LAMA3: variants seen among roughly 807,000 people sequenced by gnomAD.
LAMA3 encodes the protein laminin subunit alpha 3, also known as laminin subunit alpha-3.
In LAMA3, 281 loss-of-function variants were observed where a neutral mutation model predicts 402.0. The ratio of observed to expected loss-of-function variants is 0.70; its 90% CI spans 0.63 to 0.77. LAMA3 has a LOEUF of 0.77. Among genes scored for constraint, LAMA3 ranks in the 30% least tolerant of loss-of-function variants. The pLI is 0.00. For synonymous variants in LAMA3, 1,431 were observed against 1,558.4 expected, an observed-to-expected ratio of 0.92 and a Z score of 1.93; for missense variants, 3,840 against 4,215.5, an observed-to-expected ratio of 0.91 and a Z score of 2.47.
chr18:23,782,552 AAAATAAAT>A (rs896843668), intron 11 of LAMA3, among the ~76,000 whole-genome samples: 1 of 152,148 alleles, frequency 6.6e-6, no homozygotes, highest in African/African-American at 2.4e-5. Flanking sequence ...AACTCTGTCT[AAAATAAAT>A]AAATAAATAA....
At chr18:23,797,026 CT>C (rs762526510) in intron 12 of LAMA3, among the ~76,000 whole-genome samples, 4 of 152,170 alleles carry the variant, frequency 2.6e-5, no homozygotes, top group Non-Finnish European at 5.9e-5. Flanking sequence ...GCTGGATTCT[CT>C]GTGGTCTAAA....
At chr18:23,840,049 T>G (rs1418013754) in intron 27 of LAMA3, 120 bp downstream of exon 27, 1 of 1,081,350 alleles carries the variant, frequency 9.2e-7, no homozygotes, top group Non-Finnish European at 1.4e-6. Flanking sequence ...ACCTACTGAG[T>G]TGGAAGCTCT....
At chr18:23,877,825 A>G (rs1433677230) in intron 39 of LAMA3, among the ~76,000 whole-genome samples, 1 of 152,168 alleles carries the variant, frequency 6.6e-6, no homozygotes, top group Non-Finnish European at 1.5e-5. Flanking sequence ...AAGAATAAAT[A>G]CGTTGGCCGG....
chr18:23,718,624 G>A (rs886361900), intron 2 of LAMA3, among the ~76,000 whole-genome samples: 36 of 152,186 alleles, frequency 2.4e-4, no homozygotes. Flanking sequence ...AGGGCTGCGG[G>A]GGAGTGAGGC....
Position 23,783,957 on chromosome 18 carries a change from G to A in LAMA3, c.1469-66G>A, listed in dbSNP as rs2062488135. On this transcript the variant is annotated intron_variant, in intron 11 of 74. Transcript: ENST00000313654. ...ATATTCCCATGATAGAAACCTAGGG[G>A]AAGGGAGAAATTAAGAAAGTGATGG... The A allele has an allele frequency of 5.7e-6, 9 of 1,584,082 alleles. 1 individual carries two copies. In the South Asian group the frequency reaches 8.9e-5, roughly 16 times the overall value.
intron 32 of LAMA3, among the ~76,000 whole-genome samples, chr18:23,852,210 T>C (rs1455073274): frequency 6.6e-6 from 1 of 152,364 alleles, no homozygotes; most frequent in Admixed American, 6.5e-5. Flanking sequence ...ATTCATTCTT[T>C]CTTTTTTGGC....
intron 54 of LAMA3, among the ~76,000 whole-genome samples, chr18:23,908,818 A>C (rs894189586): frequency 6.6e-6 from 1 of 152,250 alleles, no homozygotes; most frequent in Non-Finnish European, 1.5e-5. Flanking sequence ...GTAGACAGCA[A>C]GGATATGCTG....
intron 60 of LAMA3, among the ~76,000 whole-genome samples, chr18:23,919,351 T>C (rs2081751473): frequency 6.6e-6 from 1 of 152,230 alleles, no homozygotes; most frequent in Admixed American, 6.5e-5. Flanking sequence ...GCTCAGCTTA[T>C]CTTAGGGAAG....
At chr18:23,723,881 TA>T (rs987922832) in intron 2 of LAMA3, among the ~76,000 whole-genome samples, 58 of 152,306 alleles carry the variant, frequency 3.8e-4, no homozygotes, top group African/African-American at 1.4e-3. Context: ...GTATTTTTTT[TA>T]AAATTTTTAT....
chr18:23,698,940 A>AT lies in LAMA3; in HGVS notation c.294+8964dup, dbSNP rs532102703. ...TAGAGAGAATAAACAGGATTCTGTG[A>AT]TAAAAATTAAAGAGGAGATGATGGC... is the stretch of plus-strand genomic sequence containing the variant. On this transcript the variant is annotated intron_variant, in intron 1 of 74. Transcript: ENST00000313654. 1.6e-4 allele frequency among the ~76,000 whole-genome samples: 24 copies of AT among 152,256 alleles called. No individual in the cohort carries two copies. In the East Asian group the frequency reaches 4.6e-3, roughly 29 times the overall value.
rs114039649 is a variant in LAMA3, at chr18:23,722,047, C to T, written c.447+7975C>T. On this transcript the variant is annotated intron_variant, in intron 2 of 74. Coordinates refer to ENST00000313654, the MANE Select transcript of LAMA3 (RefSeq NM_198129.4). Reference sequence around the variant, plus strand: ...GTTTCTTAACATGTCACATACGCTCCTTCAGTCTAGCCCTTAGACTTTTTG... The same window carrying T: ...GTTTCTTAACATGTCACATACGCTCTTTCAGTCTAGCCCTTAGACTTTTTG... Among the ~76,000 whole-genome samples, 815 of 152,304 alleles carry T rather than the reference C, an allele frequency of 5.4e-3. 8 individuals carry two copies. The highest frequency in any genetic ancestry group is 0.019 in the African/African-American group (780 of 41,562).
chr18:23,854,718 C>T (rs1163188064), intron 32 of LAMA3, among the ~76,000 whole-genome samples: 2 of 151,622 alleles, frequency 1.3e-5, no homozygotes, highest in Non-Finnish European at 2.9e-5. Context: ...GATGTGGTGG[C>T]TTACGCCTGT....
chr18:23,907,124 C>A (rs762981079), intron 52 of LAMA3, among the ~76,000 whole-genome samples: 1 of 152,214 alleles, frequency 6.6e-6, no homozygotes, highest in East Asian at 1.9e-4. Context: ...ATTATTAATT[C>A]ATTCATTCAC....
chr18:23,852,131 C>G (rs1181168860), intron 32 of LAMA3, among the ~76,000 whole-genome samples: 1 of 152,182 alleles, frequency 6.6e-6, no homozygotes, highest in Non-Finnish European at 1.5e-5. Context: ...CTGGTTAAGT[C>G]CTTTTACCAC....
intron 2 of LAMA3, among the ~76,000 whole-genome samples, chr18:23,716,945 C>T (rs1436252930): frequency 1.3e-5 from 2 of 152,110 alleles, no homozygotes; most frequent in Non-Finnish European, 2.9e-5. Flanking sequence ...TTTAAAACTT[C>T]TTTAGAGCAG....
At chr18:23,770,137 A>C (rs904068259) in intron 8 of LAMA3, among the ~76,000 whole-genome samples, 1 of 152,236 alleles carries the variant, frequency 6.6e-6, no homozygotes, top group Non-Finnish European at 1.5e-5. Context: ...AGACAATTCT[A>C]TGATCATAGT....
In LAMA3 at chr18:23,950,123, C is replaced by T. The variant is rs370576353; in HGVS notation, c.9606C>T (p.Pro3202=). 9.9e-6 allele frequency: 16 copies of T among 1,613,908 alleles called. No individual in the cohort carries two copies. Among genetic ancestry groups the T allele is most frequent in the South Asian group, 9.9e-5 (9 of 91,068 alleles). The change falls in exon 72 of 75, where the codon CCC becomes CCT. Residue 3202 remains proline, a synonymous_variant. Transcript: ENST00000313654. ...TCCTAATACACATCGGAAGTCAGCC[C>T]GGGAAGCACTTATGTGTTTACCTGG... ...TGILIHIGSQ[P]GKHLCVYLEA...
At chr18:23,936,985 T>A (rs1322912407) in intron 67 of LAMA3, among the ~76,000 whole-genome samples, 2 of 152,188 alleles carry the variant, frequency 1.3e-5, no homozygotes, top group Non-Finnish European at 2.9e-5. Context: ...ATTACTAAGC[T>A]GGTAGCAGCC....
At chr18:23,853,249 A>G (rs1185092369) in intron 32 of LAMA3, among the ~76,000 whole-genome samples, 1 of 152,158 alleles carries the variant, frequency 6.6e-6, no homozygotes, top group African/African-American at 2.4e-5. Context: ...TGATATGAGC[A>G]TAATATGAAG....
Sources: gnomAD v4.1 joint callset for allele counts (sites outside exome capture counted in the v4.1 genomes callset) on GRCh38, gnomAD v4.1.1 for gene constraint, MANE v1.5 for transcripts, NCBI Gene and HGNC (gene_info 2026-07-23, HGNC 2026-07-21) for gene names.